FGD3: variants seen among roughly 807,000 people sequenced by gnomAD.
FGD3 encodes FYVE, RhoGEF and PH domain-containing protein 3.
FGD3 carries 45 observed loss-of-function variants against 71.8 expected under a neutral mutation model. That is an observed-to-expected ratio of 0.63 (90% CI 0.49 to 0.80). The LOEUF (loss-of-function observed/expected upper bound fraction) is 0.80, where lower values mean the gene tolerates loss of function less well. Ranked by LOEUF, FGD3 falls within the 30% of genes least tolerant of loss-of-function variation. FGD3 has a pLI of 0.00. For synonymous variants in FGD3, 378 were observed against 392.8 expected, an observed-to-expected ratio of 0.96 and a Z score of 0.44; for missense variants, 844 against 951.5, an observed-to-expected ratio of 0.89 and a Z score of 1.49.
chr9:92,961,527 C>T (rs995316836), intron 1 of FGD3, among the ~76,000 whole-genome samples: 1 of 152,220 alleles, frequency 6.6e-6, no homozygotes, highest in Admixed American at 6.5e-5. Context: ...CCACTGTGGG[C>T]TGATCCCACC....
intron 3 of FGD3, among the ~76,000 whole-genome samples, chr9:92,996,848 G>C (rs1860665249): frequency 6.6e-6 from 1 of 152,178 alleles, no homozygotes; most frequent in Non-Finnish European, 1.5e-5. Context: ...GAGACAGTTT[G>C]TTATAGTTTT....
At chr9:93,010,834 C>G (rs1182922111) in intron 7 of FGD3, among the ~76,000 whole-genome samples, 1 of 151,960 alleles carries the variant, frequency 6.6e-6, no homozygotes, top group African/African-American at 2.4e-5. Context: ...TGCGGGTGGA[C>G]ATTGGTCTGG....
chr9:93,008,987 A>T (rs1269305640), intron 6 of FGD3, among the ~76,000 whole-genome samples: 1 of 149,912 alleles, frequency 6.7e-6, no homozygotes, highest in Non-Finnish European at 1.5e-5. Flanking sequence ...AGTTTTGGCC[A>T]GGCGCGATGG....
intron 3 of FGD3, among the ~76,000 whole-genome samples, chr9:92,978,988 G>A (rs545468196): frequency 6.6e-5 from 10 of 151,202 alleles, no homozygotes; most frequent in South Asian, 6.3e-4. Flanking sequence ...GAACTGGTTC[G>A]TTAGTCCTAA....
chr9:92,980,832 G>T (rs536012074), intron 3 of FGD3, among the ~76,000 whole-genome samples: 2 of 151,678 alleles, frequency 1.3e-5, no homozygotes, highest in Admixed American at 6.6e-5. Flanking sequence ...TTAGCCAGGC[G>T]TGGTGGTGGG....
intron 1 of FGD3, among the ~76,000 whole-genome samples, chr9:92,957,182 G>A (rs1413999694): frequency 6.6e-6 from 1 of 152,206 alleles, no homozygotes; most frequent in Non-Finnish European, 1.5e-5. Context: ...GTCTTTGTGT[G>A]GACAGATGTT....
rs1271101255 is a variant in FGD3, at chr9:92,969,194, C to T, written c.-217-6044C>T. On this transcript the variant is annotated intron_variant, in intron 1 of 17. Coordinates refer to ENST00000375482, the MANE Select transcript of FGD3 (RefSeq NM_001083536.2). This position sits in a 1 kb window ranked among gnomAD's most constrained non-coding sequence, Gnocchi z 4.5. ...TTCTGGGCCACCCGGGTGCAGCGGGCGGCTCTTGCCCACAGGGCTGGGACC... is the reference window on the plus strand; with the variant it reads ...TTCTGGGCCACCCGGGTGCAGCGGGTGGCTCTTGCCCACAGGGCTGGGACC... Among the ~76,000 whole-genome samples the T allele has an allele frequency of 1.3e-5, 2 of 152,232 alleles. No individual in the cohort carries two copies. The highest frequency in any genetic ancestry group is 2.9e-5 in the Non-Finnish European group (2 of 68,042).
rs1029048519 is a variant in FGD3 at position 92,969,502 on chromosome 9, A to G, written c.-217-5736A>G. Among the ~76,000 whole-genome samples, 2 of 152,176 alleles carry G rather than the reference A, an allele frequency of 1.3e-5. No individual in the cohort carries two copies. The highest frequency in any genetic ancestry group is 4.1e-4 in the South Asian group (2 of 4,836). On this transcript the variant is annotated intron_variant, in intron 1 of 17. Transcript: ENST00000375482. This position sits in a 1 kb window ranked among gnomAD's most constrained non-coding sequence, Gnocchi z 4.5. ...AGAATATACGGGCAGTTTAAAAACC[A>G]CCACTAACGCGTTTGTTGCTCCCCC...
At chr9:92,987,865 C>T (rs181468815) in intron 3 of FGD3, among the ~76,000 whole-genome samples, 27 of 152,324 alleles carry the variant, frequency 1.8e-4, no homozygotes, top group Admixed American at 7.8e-4. Flanking sequence ...CCCCTTAGCG[C>T]GCATGCATGA....
At chr9:92,955,781 T>G (rs1859040450) in intron 1 of FGD3, among the ~76,000 whole-genome samples, 1 of 152,182 alleles carries the variant, frequency 6.6e-6, no homozygotes, top group African/African-American at 2.4e-5. Flanking sequence ...GTTTCTACAA[T>G]TTTGTCATTT....
At chr9:92,952,383 C>T (rs1322357985) in intron 1 of FGD3, among the ~76,000 whole-genome samples, 4 of 152,134 alleles carry the variant, frequency 2.6e-5, no homozygotes, top group Admixed American at 2.6e-4. Context: ...ACTACAGGCA[C>T]CCGCCACCAC....
chr9:92,948,191 GCCA>G (rs1280690802), intron 1 of FGD3, among the ~76,000 whole-genome samples: 4 of 151,124 alleles, frequency 2.6e-5, no homozygotes, highest in East Asian at 4.0e-4. Context: ...CTGGGCGATT[GCCA>G]TGGCAACGGG....
Position 93,016,268 on chromosome 9 carries a change from T to G in FGD3, c.1275+439T>G, listed in dbSNP as rs1861682151. On this transcript the variant is annotated intron_variant, in intron 10 of 17. Transcript: ENST00000375482. ...GGTTCCTGGGTCCTGAGCTCTTTCC[T>G]GTCCTCCTGCACCGGAGCCGGGGGG... Among the ~76,000 whole-genome samples the G allele has an allele frequency of 1.3e-5, 2 of 151,650 alleles. 1 individual carries two copies. Among genetic ancestry groups the G allele is most frequent in the Admixed American group, 1.3e-4 (2 of 15,250 alleles).
At position 92,976,530 on chromosome 9, in the gene FGD3, T is replaced by C. The variant is rs201684515; in HGVS notation, c.274T>C (p.Cys92Arg). Residue 92 changes from cysteine to arginine, a missense_variant, in exon 3 of 18, where the codon TGC becomes CGC. Coordinates refer to ENST00000375482, the MANE Select transcript of FGD3 (RefSeq NM_001083536.2). ...CAGTGTGGCTGGAGAGAACTTTCCCTGCGAGGAGGGCTTGGAGGCTGGCCC... is the reference window on the plus strand; with the variant it reads ...CAGTGTGGCTGGAGAGAACTTTCCCCGCGAGGAGGGCTTGGAGGCTGGCCC... ...SSSVAGENFP[C>R]EEGLEAGPSP... 7.4e-6 allele frequency: 12 copies of C among 1,612,510 alleles called. No individual in the cohort carries two copies. The highest frequency in any genetic ancestry group is 1.0e-5 in the Non-Finnish European group (12 of 1,179,802).
intron 3 of FGD3, among the ~76,000 whole-genome samples, chr9:93,002,077 G>C (rs559430945): frequency 4.3e-4 from 66 of 151,826 alleles, no homozygotes; most frequent in Non-Finnish European, 7.4e-4. Context: ...AAATTACCCA[G>C]TCTCAGGCAT....
intron 1 of FGD3, among the ~76,000 whole-genome samples, chr9:92,958,560 T>G (rs539711594): frequency 6.6e-6 from 1 of 152,346 alleles, no homozygotes; most frequent in African/African-American, 2.4e-5. Context: ...ATGAAACATA[T>G]TTTCAGGTTG....
chr9:93,031,065 GTGGATGGA>G (rs368574727), intron 15 of FGD3, among the ~76,000 whole-genome samples: 2 of 151,662 alleles, frequency 1.3e-5, no homozygotes, highest in Admixed American at 6.6e-5. Flanking sequence ...TAATGAATGG[GTGGATGGA>G]TGGATGGATG....
chr9:93,022,731 T>G (rs1861972408), intron 14 of FGD3, among the ~76,000 whole-genome samples: 1 of 152,110 alleles, frequency 6.6e-6, no homozygotes, highest in Non-Finnish European at 1.5e-5. Flanking sequence ...AAGTGAACAT[T>G]TATGCTCTTA....
At position 93,029,870 on chromosome 9, in the gene FGD3, A is replaced by G. The variant is rs944192775; in HGVS notation, c.1558-4A>G. On this transcript the variant is annotated splice_region_variant and splice_polypyrimidine_tract_variant and intron_variant, in intron 14 of 17. Coordinates refer to ENST00000375482, the MANE Select transcript of FGD3 (RefSeq NM_001083536.2). ...GCTGATGGCATCTATTTGCCTCCTT[A>G]TAGCTCGAGCCCAGAAAACTATCCT... The G allele has an allele frequency of 1.2e-6, 2 of 1,611,790 alleles. No individual in the cohort carries two copies. Among genetic ancestry groups the G allele is most frequent in the African/African-American group, 1.3e-5 (1 of 74,964 alleles).
Sources: gnomAD v4.1 joint callset for allele counts (sites outside exome capture counted in the v4.1 genomes callset) on GRCh38, gnomAD v4.1.1 for gene constraint, Gnocchi (gnomAD v3.1) non-coding constraint, MANE v1.5 for transcripts, NCBI Gene and HGNC (gene_info 2026-07-23, HGNC 2026-07-21) for gene names.